Variants in LCP1 observed in about 807,000 individuals in gnomAD.
The protein encoded by LCP1 is lymphocyte cytosolic protein 1, also known as plastin-2.
In LCP1, 23 loss-of-function variants were observed where a neutral mutation model predicts 72.0. That is an observed-to-expected ratio of 0.32 (90% confidence interval 0.23 to 0.45). The LOEUF (loss-of-function observed/expected upper bound fraction) is 0.45. LCP1 is among the 20% of genes least tolerant of loss of function. LCP1 has a pLI of 1.00. For missense variants in LCP1, 571 were observed against 748.3 expected, an observed-to-expected ratio of 0.76 and a Z score of 2.76; for synonymous variants, 245 against 275.4, an observed-to-expected ratio of 0.89 and a Z score of 1.09.
At chr13:46,156,025 T>G (rs1483836443) in intron 5 of LCP1, among the ~76,000 whole-genome samples, 1 of 152,228 alleles carries the variant, frequency 6.6e-6, no homozygotes, top group African/African-American at 2.4e-5. Context: ...ATGTCTACAT[T>G]TCCGCTTGAT....
At chr13:46,174,367 T>A (rs2045918134) in intron 1 of LCP1, among the ~76,000 whole-genome samples, 1 of 152,240 alleles carries the variant, frequency 6.6e-6, no homozygotes, top group Non-Finnish European at 1.5e-5. Flanking sequence ...CAATGGAATA[T>A]GTATAACATT....
intron 14 of LCP1, among the ~76,000 whole-genome samples, chr13:46,131,146 C>A (rs555733633): frequency 6.6e-6 from 1 of 152,308 alleles, no homozygotes; most frequent in South Asian, 2.1e-4. Context: ...CGTCTACCAA[C>A]AGCAGGTAGT....
chr13:46,157,115 C>T lies in LCP1; in HGVS notation c.359-545G>A, dbSNP rs7989092. Among the ~76,000 whole-genome samples the T allele has an allele frequency of 9.9e-5, 15 of 151,558 alleles. No individual in the cohort carries two copies. The East Asian group carries it at 1.9e-3, about 20-fold the overall frequency. The stretch of plus-strand genomic sequence containing the variant: ...GATTGCAGGTGTGAGCCACCGCGCC[C>T]GGCCAAAACTATCTCTCTGTTCCTA... On this transcript the variant is annotated intron_variant, in intron 4 of 15. Coordinates refer to ENST00000323076, the MANE Select transcript of LCP1 (RefSeq NM_002298.5).
At chr13:46,168,551 G>GC (rs1214595677) in intron 1 of LCP1, 4 of 152,450 alleles carry the variant, frequency 2.6e-5, no homozygotes, top group African/African-American at 7.2e-5. Flanking sequence ...CTGCTGGACT[G>GC]CCCCCGCACA....
intron 1 of LCP1, among the ~76,000 whole-genome samples, chr13:46,181,255 C>T (rs943218325): frequency 7.9e-5 from 12 of 152,266 alleles, no homozygotes; most frequent in African/African-American, 2.6e-4. Context: ...GTCAATGGTT[C>T]TTAGTGTTAT....
intron 9 of LCP1, among the ~76,000 whole-genome samples, chr13:46,147,607 A>G (rs915962850): frequency 2.6e-5 from 4 of 152,218 alleles, no homozygotes; most frequent in African/African-American, 9.6e-5. Context: ...TGCAACCCAA[A>G]TAAAATAAAT....
Position 46,145,896 on chromosome 13 carries a change from G to A in LCP1, c.1174+1012C>T, listed in dbSNP as rs561506219. ...TGCACTCCAGCCTGGGCGACAGAGC[G>A]AGACTCCGTCTCAAAAAAAAAAAAA... On this transcript the variant is annotated intron_variant, in intron 10 of 15. Transcript: ENST00000323076. Among the ~76,000 whole-genome samples the A allele has an allele frequency of 2.6e-3, 262 of 99,432 alleles. 18 individuals are homozygous for A. Among genetic ancestry groups the A allele is most frequent in the Non-Finnish European group, 4.1e-3 (221 of 53,882 alleles). The allele number at this position is 99,432 out of a possible 152,430, so 65.2% of individuals were successfully genotyped here.
chr13:46,162,435 G>A (rs532121258), intron 1 of LCP1, among the ~76,000 whole-genome samples: 1 of 151,918 alleles, frequency 6.6e-6, no homozygotes, highest in African/African-American at 2.4e-5. Flanking sequence ...AAGTGCCTGC[G>A]ATTGCAGGCG....
At chr13:46,181,745 T>G (rs10492449) in intron 1 of LCP1, among the ~76,000 whole-genome samples, 32,244 of 152,252 alleles carry the variant, frequency 0.21, 4,449 homozygotes, top group Non-Finnish European at 0.31. Flanking sequence ...ATACGCGCTT[T>G]TCCTGAAAAC....
At chr13:46,163,065 C>T (rs2045853928) in intron 1 of LCP1, among the ~76,000 whole-genome samples, 2 of 151,506 alleles carry the variant, frequency 1.3e-5, no homozygotes, top group Non-Finnish European at 2.9e-5. Context: ...AGGTGGGGGG[C>T]GCCTCTGCCC....
chr13:46,156,030 C>T (rs111959532), intron 5 of LCP1, among the ~76,000 whole-genome samples: 5,504 of 152,262 alleles, frequency 0.036, 124 homozygotes, highest in Middle Eastern at 0.055. Context: ...TACATTTCCG[C>T]TTGATGCCTG....
intron 4 of LCP1, among the ~76,000 whole-genome samples, chr13:46,157,856 C>G (rs2045813099): frequency 6.7e-6 from 1 of 149,998 alleles, no homozygotes; most frequent in African/African-American, 2.5e-5. Context: ...AAGCGATTCT[C>G]CTGTCTCAGC....
chr13:46,171,971 A>G (rs971305102), intron 1 of LCP1, among the ~76,000 whole-genome samples: 1 of 152,268 alleles, frequency 6.6e-6, no homozygotes, highest in Non-Finnish European at 1.5e-5. Context: ...TGGGTACCAC[A>G]GGGCTGACTG....
intron 1 of LCP1, among the ~76,000 whole-genome samples, chr13:46,177,533 G>A (rs1040162895): frequency 2.6e-5 from 4 of 152,020 alleles, no homozygotes; most frequent in African/African-American, 4.8e-5. Context: ...CCAGCTACTC[G>A]GGAGGCTGAG....
intron 1 of LCP1, among the ~76,000 whole-genome samples, chr13:46,170,460 TG>T (rs2138279333): frequency 6.6e-6 from 1 of 152,174 alleles, no homozygotes; most frequent in African/African-American, 2.4e-5. Flanking sequence ...TGCTTGGCAG[TG>T]GGTCTCTATC....
intron 1 of LCP1, among the ~76,000 whole-genome samples, chr13:46,172,572 G>T (rs932339884): frequency 2.6e-5 from 4 of 152,196 alleles, no homozygotes; most frequent in Non-Finnish European, 5.9e-5. Flanking sequence ...GCTGTGGCAG[G>T]TTGGGTGTGG....
chr13:46,157,191 A>G (rs185209476), intron 4 of LCP1, among the ~76,000 whole-genome samples: 52 of 151,398 alleles, frequency 3.4e-4, no homozygotes, highest in Non-Finnish European at 6.3e-4. Flanking sequence ...AAATATATAC[A>G]TATGTTTATT....
chr13:46,174,630 G>A (rs2045919500), intron 1 of LCP1, among the ~76,000 whole-genome samples: 1 of 152,114 alleles, frequency 6.6e-6, no homozygotes, highest in Non-Finnish European at 1.5e-5. Context: ...GATCGCCTGA[G>A]GTCAGGAGTT....
At chr13:46,162,850 G>A (rs1266412700) in intron 1 of LCP1, among the ~76,000 whole-genome samples, 39 of 151,942 alleles carry the variant, frequency 2.6e-4, no homozygotes, top group Non-Finnish European at 4.4e-5. Context: ...CGTCTGGGAG[G>A]TGAGGAGCGT....
Sources: gnomAD v4.1 joint callset for allele counts (sites outside exome capture counted in the v4.1 genomes callset) on GRCh38, gnomAD v4.1.1 for gene constraint, MANE v1.5 for transcripts, NCBI Gene and HGNC (gene_info 2026-07-23, HGNC 2026-07-21) for gene names.